Variants in KCNIP4 observed in about 807,000 individuals in gnomAD.
The protein encoded by KCNIP4 is potassium voltage-gated channel interacting protein 4.
Under a neutral mutation model 34.0 loss-of-function variants are expected in KCNIP4, and 12 were observed. The ratio of observed to expected loss-of-function variants is 0.35; its 90% CI spans 0.23 to 0.57. The LOEUF (loss-of-function observed/expected upper bound fraction) is 0.57, where lower values mean the gene tolerates loss of function less well. Among genes scored for constraint, KCNIP4 ranks in the 20% least tolerant of loss-of-function variants. The pLI, the probability that KCNIP4 is intolerant of heterozygous loss-of-function variation, is 0.83. For synonymous variants in KCNIP4, 124 were observed against 102.2 expected (o/e 1.21, Z -1.29); for missense variants, 238 against 311.7 (o/e 0.76, Z 1.78).
At chr4:21,061,745 A>G (rs1286104658) in intron 1 of KCNIP4, among the ~76,000 whole-genome samples, 1 of 152,162 alleles carries the variant, frequency 6.6e-6, no homozygotes, top group Non-Finnish European at 1.5e-5. Flanking sequence ...GAAATTTCTT[A>G]TGTTGAAGCC....
Position 21,021,063 on chromosome 4 carries a change from C to T in KCNIP4, c.62-138354G>A, listed in dbSNP as rs546120761. On this transcript the variant is annotated intron_variant, in intron 1 of 8. Transcript: ENST00000382152. The stretch of plus-strand genomic sequence containing the variant: ...CAAACCTAGAAGGCATAACCGACTA[C>T]ACACCTACACGATGTGATATGGCTT... 6.1e-4 allele frequency among the ~76,000 whole-genome samples: 93 copies of T among 152,272 alleles called. No individual in the cohort carries two copies. The South Asian group carries it at 0.018, about 30-fold the overall frequency.
At chr4:21,781,476 G>A (rs6845965) in intron 1 of KCNIP4, among the ~76,000 whole-genome samples, 98,749 of 151,824 alleles carry the variant, frequency 0.65, 33,248 homozygotes, top group Non-Finnish European at 0.74. Context: ...GGTTTTCAAC[G>A]TGTATATTTG....
intron 2 of KCNIP4, among the ~76,000 whole-genome samples, chr4:20,872,389 C>T (rs911143468): frequency 6.6e-6 from 1 of 152,062 alleles, no homozygotes; most frequent in African/African-American, 2.4e-5. Flanking sequence ...GAATTGCTGC[C>T]TGTCACACTT....
At chr4:21,714,481 G>A (rs1390028869) in intron 1 of KCNIP4, among the ~76,000 whole-genome samples, 1 of 150,450 alleles carries the variant, frequency 6.6e-6, no homozygotes, top group Non-Finnish European at 1.5e-5. Context: ...CAGACACAGG[G>A]AGGAAGGAGA....
intron 1 of KCNIP4, among the ~76,000 whole-genome samples, chr4:21,127,553 G>A (rs150364547): frequency 1.1e-3 from 170 of 152,158 alleles, no homozygotes; most frequent in African/African-American, 3.9e-3. Context: ...CCCATCAGAC[G>A]CCTAATAGAA....
chr4:21,882,410 C>T (rs887449491), intron 1 of KCNIP4, among the ~76,000 whole-genome samples: 1 of 152,060 alleles, frequency 6.6e-6, no homozygotes, highest in African/African-American at 2.4e-5. Context: ...AAGCATTTTA[C>T]AAAACATGAA....
chr4:21,443,884 T>C lies in KCNIP4; in HGVS notation c.61+504687A>G, dbSNP rs576480649. On this transcript the variant is annotated intron_variant, in intron 1 of 8. Coordinates refer to ENST00000382152, the MANE Select transcript of KCNIP4 (RefSeq NM_025221.6). ...AGAGGTTGAAGCTGCAGTGAGTCAT[T>C]ACATCACTGCACTCGAGCCTGGAAT... Among the ~76,000 whole-genome samples, 9 of 152,114 alleles carry C rather than the reference T, an allele frequency of 5.9e-5. No homozygotes were observed. In the South Asian group the frequency reaches 1.9e-3, roughly 32 times the overall value.
At chr4:21,270,946 A>T (rs1342613264) in intron 1 of KCNIP4, among the ~76,000 whole-genome samples, 1 of 144,788 alleles carries the variant, frequency 6.9e-6, no homozygotes, top group Non-Finnish European at 1.5e-5. Flanking sequence ...AGATCACACC[A>T]TTGTACTCCA....
chr4:21,296,001 T>C (rs183824121), intron 1 of KCNIP4, among the ~76,000 whole-genome samples: 1 of 152,254 alleles, frequency 6.6e-6, no homozygotes, highest in Non-Finnish European at 1.5e-5. Context: ...ACGGTTTGTA[T>C]CTCAAAACTC....
intron 1 of KCNIP4, among the ~76,000 whole-genome samples, chr4:21,943,777 G>A (rs187327991): frequency 2.0e-3 from 309 of 152,202 alleles, no homozygotes; most frequent in Non-Finnish European, 3.9e-3. Flanking sequence ...TTTGAGTGGG[G>A]AGAAGCAGTT....
At chr4:21,135,804 C>T (rs1577757538) in intron 1 of KCNIP4, among the ~76,000 whole-genome samples, 1 of 152,240 alleles carries the variant, frequency 6.6e-6, no homozygotes, top group East Asian at 1.9e-4. Context: ...GGCTTTATTT[C>T]CTTGGGTCAG....
At chr4:21,257,498 G>C (rs573273877) in intron 1 of KCNIP4, among the ~76,000 whole-genome samples, 1 of 151,926 alleles carries the variant, frequency 6.6e-6, no homozygotes, top group East Asian at 1.9e-4. Flanking sequence ...CTGTAATCCC[G>C]GCACTTTGGG....
chr4:21,675,296 G>A (rs1749803520), intron 1 of KCNIP4, among the ~76,000 whole-genome samples: 1 of 152,146 alleles, frequency 6.6e-6, no homozygotes. Flanking sequence ...ACCAGAGGCT[G>A]GAAGGGAGAA....
rs898742282 is a variant in KCNIP4, at chr4:21,139,798, A to G, written c.62-257089T>C. Among the ~76,000 whole-genome samples the G allele has an allele frequency of 3.9e-5, 6 of 152,312 alleles. No homozygotes were observed. In the East Asian group the frequency reaches 1.2e-3, roughly 29 times the overall value. ...TCCCATAATAAATATCCTACACACT[A>G]AATACCTCCTGAGGGGCTGTTTCCG... On this transcript the variant is annotated intron_variant, in intron 1 of 8. Transcript: ENST00000382152.
chr4:21,691,785 G>A (rs1348468694), intron 1 of KCNIP4, among the ~76,000 whole-genome samples: 4 of 136,868 alleles, frequency 2.9e-5, no homozygotes, highest in South Asian at 2.4e-4. Context: ...TGCAACCTCC[G>A]CTTCCAGAAT....
At chr4:21,729,017 C>G (rs1240536504) in intron 1 of KCNIP4, among the ~76,000 whole-genome samples, 1 of 152,160 alleles carries the variant, frequency 6.6e-6, no homozygotes, top group African/African-American at 2.4e-5. Context: ...TTGTTCCTTG[C>G]ATTTATTTCT....
chr4:21,452,865 T>TAA (rs1728626439), intron 1 of KCNIP4, among the ~76,000 whole-genome samples: 1 of 66,912 alleles, frequency 1.5e-5, no homozygotes, highest in African/African-American at 8.9e-5. Flanking sequence ...GTTTTCAGGG[T>TAA]AAAGGCTGTA....
At chr4:21,113,633 A>C (rs1259921661) in intron 1 of KCNIP4, among the ~76,000 whole-genome samples, 1 of 152,146 alleles carries the variant, frequency 6.6e-6, no homozygotes, top group Non-Finnish European at 1.5e-5. Flanking sequence ...AAAAACAATT[A>C]CACAGCTCCA....
chr4:21,089,629 A>C (rs953805734), intron 1 of KCNIP4, among the ~76,000 whole-genome samples: 2 of 152,206 alleles, frequency 1.3e-5, no homozygotes, highest in African/African-American at 4.8e-5. Flanking sequence ...TCAAAAAGTA[A>C]AAAACTGGGA....
Sources: gnomAD v4.1 joint callset for allele counts (sites outside exome capture counted in the v4.1 genomes callset) on GRCh38, gnomAD v4.1.1 for gene constraint, MANE v1.5 for transcripts, NCBI Gene and HGNC (gene_info 2026-07-23, HGNC 2026-07-21) for gene names.